IL12RB2: variants seen among roughly 807,000 people sequenced by gnomAD.
IL12RB2 encodes the protein interleukin-12 receptor subunit beta-2.
Under a neutral mutation model 89.4 loss-of-function variants are expected in IL12RB2, and 82 were observed. The observed-to-expected ratio is 0.92, with a 90% CI of 0.77 to 1.10. The LOEUF (loss-of-function observed/expected upper bound fraction) is 1.10. Among genes scored for constraint, IL12RB2 ranks in the 50% least tolerant of loss-of-function variants. IL12RB2 has a pLI of 0.00. For synonymous variants in IL12RB2, 368 were observed against 370.1 expected, an observed-to-expected ratio of 0.99 and a Z score of 0.07; for missense variants, 963 against 1,031.9, an observed-to-expected ratio of 0.93 and a Z score of 0.92.
In IL12RB2 at chr1:67,338,688, T is replaced by C; in HGVS notation, c.1023T>C (p.Ile341=). 1 of 1,517,726 alleles carries C rather than the reference T, an allele frequency of 6.6e-7. No homozygotes were observed. The highest frequency in any genetic ancestry group is 9.2e-7 in the Non-Finnish European group (1 of 1,092,072). 94.0% of individuals were successfully genotyped at this position (1,517,726 alleles called of 1,614,324 possible). The change falls in exon 9 of 17, where the codon ATT becomes ATC. Residue 341 remains isoleucine (I), a synonymous_variant. Transcript: ENST00000674203. ...KRHIDYSRQQ[I]SLFWKNLSVS... is the part of the protein sequence containing the mutation. ...ACATTGACTACAGTAGACAACAGAT[T>C]TCTCTTTTCTGGAAGGTGAGTTTTA...
At chr1:67,386,223 A>AAG (rs1665127412) in intron 14 of IL12RB2, among the ~76,000 whole-genome samples, 1 of 151,108 alleles carries the variant, frequency 6.6e-6, no homozygotes, top group Non-Finnish European at 1.5e-5. Context: ...AAAAAAAAAA[A>AAG]AAAAAAAAAG....
At chr1:67,355,422 GAAAAAAAAAAA>G (rs1171395256) in intron 10 of IL12RB2, among the ~76,000 whole-genome samples, 153 of 93,716 alleles carry the variant, frequency 1.6e-3, no homozygotes, top group Non-Finnish European at 2.7e-3. Flanking sequence ...GTCTCAAAAA[GAAAAAAAAAAA>G]AAAAAAAAAG....
At position 67,372,535 on chromosome 1, in the gene IL12RB2, G is replaced by A; in HGVS notation, c.1558+1G>A. ...ATCCTGGGTAACTCTAAGCACAAAG[G>A]TGAGTCTTGGGATCTTTTGCCAAAT... On this transcript the variant is annotated splice_donor_variant, in intron 12 of 16. Coordinates refer to ENST00000674203, the MANE Select transcript of IL12RB2 (RefSeq NM_001374259.2). LOFTEE classifies it high-confidence loss of function. 6.2e-7 allele frequency: 1 copy of A among 1,602,458 alleles called. No homozygotes were observed. Among genetic ancestry groups the A allele is most frequent in the Non-Finnish European group, 8.6e-7 (1 of 1,169,392 alleles).
chr1:67,377,199 T>C (rs1310405364), intron 13 of IL12RB2, among the ~76,000 whole-genome samples: 1 of 152,202 alleles, frequency 6.6e-6, no homozygotes. Flanking sequence ...GATAGTGGAC[T>C]CTTTGAGGCA....
At chr1:67,356,977 A>G (rs1661465515) in intron 10 of IL12RB2, among the ~76,000 whole-genome samples, 1 of 152,246 alleles carries the variant, frequency 6.6e-6, no homozygotes, top group South Asian at 2.1e-4. Context: ...ACAGGTAGTT[A>G]TGAAGAAAAC....
chr1:67,320,478 A>G (rs748108176), intron 3 of IL12RB2, 34 bp downstream of exon 3: 2 of 1,612,598 alleles, frequency 1.2e-6, no homozygotes, highest in Non-Finnish European at 1.7e-6. Flanking sequence ...CTGTGGAAGA[A>G]TTTGTGGTTT....
chr1:67,368,898 A>G (rs979552381), intron 11 of IL12RB2, among the ~76,000 whole-genome samples: 1 of 152,212 alleles, frequency 6.6e-6, no homozygotes, highest in Non-Finnish European at 1.5e-5. Context: ...ATATATTTTA[A>G]GGGCTCAGTA....
At chr1:67,357,251 A>G (rs912859580) in intron 10 of IL12RB2, among the ~76,000 whole-genome samples, 2 of 152,134 alleles carry the variant, frequency 1.3e-5, no homozygotes, top group African/African-American at 4.8e-5. Context: ...GATGGCGCAC[A>G]CCTGTAATCC....
intron 8 of IL12RB2, among the ~76,000 whole-genome samples, 166 bp downstream of exon 8, chr1:67,330,976 A>G (rs1658006869): frequency 6.6e-6 from 1 of 152,290 alleles, no homozygotes; most frequent in African/African-American, 2.4e-5. Context: ...AAGTGCTGAA[A>G]CTGTTCAAGG....
intron 9 of IL12RB2, among the ~76,000 whole-genome samples, chr1:67,347,191 T>C (rs1446280978): frequency 6.6e-6 from 1 of 152,180 alleles, no homozygotes; most frequent in Admixed American, 6.5e-5. Context: ...GTCAGCAGTA[T>C]TCCAAAGCCA....
chr1:67,377,360 T>C (rs1409785256), intron 13 of IL12RB2, among the ~76,000 whole-genome samples: 1 of 152,152 alleles, frequency 6.6e-6, no homozygotes, highest in Non-Finnish European at 1.5e-5. Flanking sequence ...AGTTCTAGTT[T>C]TCCCTGTGAT....
chr1:67,390,524 AG>A (rs1263597518), intron 16 of IL12RB2, among the ~76,000 whole-genome samples: 2 of 148,952 alleles, frequency 1.3e-5, no homozygotes, highest in East Asian at 3.9e-4. Context: ...AAAATTCAAG[AG>A]AATTGAAGAT....
intron 4 of IL12RB2, among the ~76,000 whole-genome samples, chr1:67,323,523 T>A (rs935985393): frequency 6.6e-6 from 1 of 152,142 alleles, no homozygotes; most frequent in African/African-American, 2.4e-5. Flanking sequence ...ACAAGGCACA[T>A]GGGAGGCATT....
intron 4 of IL12RB2, among the ~76,000 whole-genome samples, chr1:67,326,039 A>G (rs1381596004): frequency 2.0e-5 from 3 of 152,342 alleles, no homozygotes; most frequent in Admixed American, 6.5e-5. Flanking sequence ...GAGGTACTCA[A>G]TGCCTATGTA....
chr1:67,325,340 G>A (rs1002587776), intron 4 of IL12RB2, among the ~76,000 whole-genome samples: 5 of 152,162 alleles, frequency 3.3e-5, no homozygotes, highest in Admixed American at 6.5e-5. Flanking sequence ...TCAGCTCGTC[G>A]CAACCTCTAC....
chr1:67,316,593 A>G (rs956095038), intron 2 of IL12RB2, among the ~76,000 whole-genome samples: 3 of 152,160 alleles, frequency 2.0e-5, no homozygotes, highest in African/African-American at 7.2e-5. Context: ...TCCATAGTAA[A>G]TCTGGCTCCT....
intron 16 of IL12RB2, among the ~76,000 whole-genome samples, chr1:67,393,925 C>T (rs1666091734): frequency 6.6e-6 from 1 of 152,138 alleles, no homozygotes; most frequent in African/African-American, 2.4e-5. Flanking sequence ...ACATGGCTTA[C>T]AGACATATAA....
chr1:67,392,708 G>A (rs567166119), intron 16 of IL12RB2, among the ~76,000 whole-genome samples: 14 of 127,924 alleles, frequency 1.1e-4, no homozygotes, highest in South Asian at 2.7e-4. Context: ...TCGGCTCACC[G>A]CAAGCTCCGC....
At chr1:67,386,435 A>G (rs1665154990) in intron 14 of IL12RB2, 144 bp from the exon 15 acceptor site, 1 of 723,762 alleles carries the variant, frequency 1.4e-6, no homozygotes, top group Non-Finnish European at 2.6e-6. Context: ...CCCGCACTGC[A>G]TAGACAAAAG....
Sources: gnomAD v4.1 joint callset for allele counts (sites outside exome capture counted in the v4.1 genomes callset) on GRCh38, gnomAD v4.1.1 for gene constraint, MANE v1.5 for transcripts, NCBI Gene and HGNC (gene_info 2026-07-23, HGNC 2026-07-21) for gene names.